R3HCC1L: variants seen among roughly 807,000 people sequenced by gnomAD.
R3HCC1L encodes coiled-coil domain-containing protein R3HCC1L.
R3HCC1L carries 51 observed loss-of-function variants against 59.9 expected under a neutral mutation model. That is an observed-to-expected ratio of 0.85 (90% confidence interval 0.68 to 1.07). The LOEUF is 1.07. R3HCC1L is among the 50% of genes least tolerant of loss of function. The probability of loss-of-function intolerance (pLI) is 0.00; values close to 1 mark genes in which losing one functional copy is unlikely to be tolerated. For synonymous variants in R3HCC1L, 322 were observed against 315.2 expected, an observed-to-expected ratio of 1.02 and a Z score of -0.23; for missense variants, 965 against 933.0, an observed-to-expected ratio of 1.03 and a Z score of -0.45.
At chr10:98,163,626 G>C (rs1416051526) in intron 4 of R3HCC1L, among the ~76,000 whole-genome samples, 1 of 152,168 alleles carries the variant, frequency 6.6e-6, no homozygotes, top group Non-Finnish European at 1.5e-5. Flanking sequence ...GAGAACAGGG[G>C]CTGTTTAAAT....
At chr10:98,223,591 A>AT (rs1283172769) in intron 5 of R3HCC1L, among the ~76,000 whole-genome samples, 5 of 151,602 alleles carry the variant, frequency 3.3e-5, no homozygotes, top group Admixed American at 1.3e-4. Context: ...TTTGGTTTTG[A>AT]TTCTGGGTGG....
chr10:98,217,856 A>G (rs144533965), intron 5 of R3HCC1L, among the ~76,000 whole-genome samples: 1 of 151,418 alleles, frequency 6.6e-6, no homozygotes, highest in Admixed American at 6.6e-5. Context: ...GCTGAGTTAT[A>G]TTGGCTGACT....
At position 98,209,655 on chromosome 10, in the gene R3HCC1L, A is replaced by G. The variant is rs1853307241; in HGVS notation, c.1541A>G (p.Asp514Gly). The G allele has an allele frequency of 6.2e-7, 1 of 1,614,054 alleles. No individual in the cohort carries two copies. Among genetic ancestry groups the G allele is most frequent in the Non-Finnish European group, 8.5e-7 (1 of 1,179,950 alleles). Residue 514 changes from aspartate to glycine, a missense_variant, in exon 5 of 10, where the codon GAT (aspartate) becomes GGT (glycine). Physicochemically the swap from Asp to Gly is moderately conservative, Grantham distance 94. Coordinates refer to ENST00000298999, the MANE Select transcript of R3HCC1L (RefSeq NM_001351015.2). Reference protein sequence around the residue: ...AVGIDLGSTGDTTEALHELRT... With the variant: ...AVGIDLGSTGGTTEALHELRT... Reference sequence around the variant, plus strand: ...GGCATTGACCTGGGTAGTACTGGTGATACAACAGAAGCATTGCACGAACTA... The same window carrying G: ...GGCATTGACCTGGGTAGTACTGGTGGTACAACAGAAGCATTGCACGAACTA...
intron 4 of R3HCC1L, among the ~76,000 whole-genome samples, chr10:98,197,973 TG>T (rs1851624083): frequency 6.6e-6 from 1 of 152,166 alleles, no homozygotes; most frequent in Non-Finnish European, 1.5e-5. Context: ...CAAAAAAGCT[TG>T]TGTGTGAAAA....
At chr10:98,187,988 C>A (rs1308845104) in intron 4 of R3HCC1L, among the ~76,000 whole-genome samples, 1 of 152,000 alleles carries the variant, frequency 6.6e-6, no homozygotes, top group Admixed American at 6.6e-5. Flanking sequence ...AGTGATCCTC[C>A]CATCTTGGCC....
chr10:98,150,720 C>T (rs982268540), intron 1 of R3HCC1L, among the ~76,000 whole-genome samples: 2 of 152,100 alleles, frequency 1.3e-5, no homozygotes, highest in East Asian at 1.9e-4. Context: ...CCTCCTACAG[C>T]GTGGTGCTGC....
intron 4 of R3HCC1L, among the ~76,000 whole-genome samples, chr10:98,164,653 G>C (rs1217593239): frequency 6.6e-6 from 1 of 152,096 alleles, no homozygotes; most frequent in Non-Finnish European, 1.5e-5. Context: ...CTAACACACT[G>C]TGCTGTCCCA....
chr10:98,183,033 C>T (rs1256189474), intron 4 of R3HCC1L, among the ~76,000 whole-genome samples: 1 of 152,176 alleles, frequency 6.6e-6, no homozygotes, highest in East Asian at 1.9e-4. Context: ...AGCTCACCCT[C>T]TGTCGGCTGC....
Position 98,209,592 on chromosome 10 carries a change from T to G in R3HCC1L, c.1478T>G (p.Met493Arg). ...YNTFLDSELS[M>R]LNGTKVLSDS... Reference sequence around the variant, plus strand: ...ACTTTTTTGGACTCTGAACTCAGTATGTTAAATGGGACAAAAGTTCTTTCA... The same window carrying G: ...ACTTTTTTGGACTCTGAACTCAGTAGGTTAAATGGGACAAAAGTTCTTTCA... The change falls in exon 5 of 10, where the codon ATG becomes AGG. Residue 493 changes from methionine to arginine, a missense_variant. By Grantham distance (91) the Met-to-Arg change is moderately conservative (BLOSUM62 -1). Coordinates refer to ENST00000298999, the MANE Select transcript of R3HCC1L (RefSeq NM_001351015.2). 10 of 1,614,052 alleles carry G rather than the reference T, an allele frequency of 6.2e-6. No homozygotes were observed. Among genetic ancestry groups the G allele is most frequent in the Non-Finnish European group, 8.5e-6 (10 of 1,179,978 alleles).
intron 1 of R3HCC1L, among the ~76,000 whole-genome samples, chr10:98,141,084 A>G (rs1450668649): frequency 6.6e-6 from 1 of 152,106 alleles, no homozygotes; most frequent in Non-Finnish European, 1.5e-5. Flanking sequence ...TGAAGGACCC[A>G]AAAGCTGTTT....
intron 5 of R3HCC1L, among the ~76,000 whole-genome samples, chr10:98,222,429 G>T (rs1855111681): frequency 6.6e-6 from 1 of 151,946 alleles, no homozygotes; most frequent in Admixed American, 6.6e-5. Flanking sequence ...GAATAGGAGT[G>T]GTGAGAGACG....
intron 4 of R3HCC1L, among the ~76,000 whole-genome samples, chr10:98,178,549 T>C (rs1309403737): frequency 2.6e-5 from 4 of 151,584 alleles, no homozygotes; most frequent in Admixed American, 1.3e-4. Flanking sequence ...CAATGCGGGC[T>C]CTTTTTTGGT....
rs952487583 is a variant in R3HCC1L, at chr10:98,216,174, AT to A, written c.1785+6282del. Among the ~76,000 whole-genome samples the A allele has an allele frequency of 6.6e-5, 10 of 152,208 alleles. No homozygotes were observed. The East Asian group carries it at 7.7e-4, about 12-fold the overall frequency. On this transcript the variant is annotated intron_variant, in intron 5 of 9. Transcript: ENST00000298999. Reference sequence around the variant, plus strand: ...GGTAAAGGGAAAGAAAAAAGTATCAATTTTTTTCCCCCAATTTTAGAGTGCC... The same window carrying A: ...GGTAAAGGGAAAGAAAAAAGTATCAATTTTTTCCCCCAATTTTAGAGTGCC...
chr10:98,211,632 C>A (rs1487533468), intron 5 of R3HCC1L, among the ~76,000 whole-genome samples: 1 of 152,156 alleles, frequency 6.6e-6, no homozygotes, highest in Admixed American at 6.6e-5. Flanking sequence ...CAGCTTCCTC[C>A]AAAAGAAGAG....
chr10:98,154,321 G>T (rs192529791), intron 1 of R3HCC1L, among the ~76,000 whole-genome samples: 1 of 151,872 alleles, frequency 6.6e-6, no homozygotes, highest in East Asian at 1.9e-4. Context: ...ATTACCCTTT[G>T]TGGGCATGCT....
intron 1 of R3HCC1L, among the ~76,000 whole-genome samples, chr10:98,146,804 T>G (rs540432067): frequency 2.0e-5 from 3 of 152,358 alleles, no homozygotes; most frequent in Non-Finnish European, 2.9e-5. Flanking sequence ...CATGTATCTA[T>G]TGATGGACAC....
chr10:98,185,219 T>G (rs1273377697), intron 4 of R3HCC1L, among the ~76,000 whole-genome samples: 1 of 152,218 alleles, frequency 6.6e-6, no homozygotes, highest in East Asian at 1.9e-4. Flanking sequence ...TGTTTGTTCA[T>G]TTATTCAATA....
intron 9 of R3HCC1L, among the ~76,000 whole-genome samples, chr10:98,241,476 C>T (rs1803894360): frequency 6.6e-6 from 1 of 152,100 alleles, no homozygotes; most frequent in South Asian, 2.1e-4. Context: ...TGAAAGTTTT[C>T]AGGGCCAGCC....
intron 4 of R3HCC1L, among the ~76,000 whole-genome samples, chr10:98,204,165 T>C (rs1852362384): frequency 6.6e-6 from 1 of 152,164 alleles, no homozygotes; most frequent in South Asian, 2.1e-4. Context: ...TCCCAGCACT[T>C]TGGGAGGCCC....
Sources: allele counts gnomAD v4.1 joint callset (sites outside exome capture counted in the v4.1 genomes callset), GRCh38; gene constraint gnomAD v4.1.1; transcripts MANE v1.5; gene names NCBI Gene and HGNC (gene_info 2026-07-23, HGNC 2026-07-21).